Variants in PXN observed in about 807,000 individuals in gnomAD.
PXN encodes the protein testicular tissue protein Li 134.
Under a neutral mutation model 103.6 loss-of-function variants are expected in PXN, and 61 were observed. The ratio of observed to expected loss-of-function variants is 0.59; its 90% CI spans 0.48 to 0.73. The LOEUF is 0.73. PXN is among the 30% of genes least tolerant of loss of function. The pLI, the probability that PXN is intolerant of heterozygous loss-of-function variation, is 0.00. For missense variants in PXN, 1,274 were observed against 1,460.3 expected (o/e 0.87, Z 2.08); for synonymous variants, 562 against 607.8 (o/e 0.92, Z 1.11).
In PXN at chr12:120,265,401, G is replaced by C. The variant is rs897033661; in HGVS notation, c.13+216C>G. On this transcript the variant is annotated intron_variant, in intron 1 of 14. Coordinates refer to ENST00000637617, the MANE Select transcript of PXN (RefSeq NM_001385981.1). This position sits in a 1 kb window ranked among gnomAD's most constrained non-coding sequence, Gnocchi z 5.7. The stretch of plus-strand genomic sequence containing the variant: ...AGAGGTGAAGCCGTCCCAGACGGGG[G>C]GTCGCTGCTGTGCGGTCGGTGCCGG... Among the ~76,000 whole-genome samples the C allele has an allele frequency of 1.3e-5, 2 of 152,106 alleles. No individual in the cohort carries two copies. Among genetic ancestry groups the C allele is most frequent in the Admixed American group, 1.3e-4 (2 of 15,284 alleles).
Position 120,215,852 on chromosome 12 carries a change from G to T in PXN, c.2302-191C>A. On this transcript the variant is annotated intron_variant, in intron 9 of 14. Coordinates refer to ENST00000637617, the MANE Select transcript of PXN (RefSeq NM_001385981.1). The surrounding 1 kb of genome is among the most constrained non-coding windows in gnomAD (Gnocchi z 4.9). ...AGAGAGAGGCCTAGGGAGAAAGGAA[G>T]AAGGACAGGGAGGGGAGTCGACCAA... The T allele has an allele frequency of 7.6e-7, 1 of 1,308,122 alleles. No individual in the cohort carries two copies. Among genetic ancestry groups the T allele is most frequent in the Non-Finnish European group, 1.0e-6 (1 of 995,924 alleles). 81.0% of individuals were successfully genotyped at this position (1,308,122 alleles called of 1,614,324 possible).
Position 120,214,749 on chromosome 12 carries a change from AC to A in PXN, c.2748+75del. Reference sequence around the variant, plus strand: ...GTGACCTCTCTGAGCCTCCCACGGCACCCCCTGCATCCTCAGAGGGCTGCGG... The same window carrying A: ...GTGACCTCTCTGAGCCTCCCACGGCACCCCTGCATCCTCAGAGGGCTGCGG... On this transcript the variant is annotated intron_variant, in intron 12 of 14. Transcript: ENST00000637617. This position sits in a 1 kb window ranked among gnomAD's most constrained non-coding sequence, Gnocchi z 5.0. 1 of 1,568,244 alleles carries A rather than the reference AC, an allele frequency of 6.4e-7. No homozygotes were observed. The highest frequency in any genetic ancestry group is 8.7e-7 in the Non-Finnish European group (1 of 1,149,310).
chr12:120,247,776 A>G (rs1891422622), intron 1 of PXN: 1 of 152,986 alleles, frequency 6.5e-6, no homozygotes, highest in African/African-American at 2.4e-5. Context: ...TCAAGGTTAA[A>G]GTCACCACTG....
rs761716771 is a variant in PXN, at chr12:120,213,913, C to A, written c.2908G>T (p.Ala970Ser). Residue 970 changes from alanine (A) to serine (S), a missense_variant, in exon 14 of 15, where the codon GCC becomes TCC. This residue lies in a region of PXN where 1,178 missense variants were observed against 1,309.0 expected (regional missense o/e 0.90). Coordinates refer to ENST00000637617, the MANE Select transcript of PXN (RefSeq NM_001385981.1). The surrounding 1 kb of genome is among the most constrained non-coding windows in gnomAD (Gnocchi z 4.2). ...DMFAPKCGGC[A>S]RAILENYISA... is the part of the protein sequence containing the mutation. ...ATATAGTTCTCCAGGATGGCCCGGG[C>A]GCAGCCGCCACACTTGGGTGCGAAC... 6.2e-7 allele frequency: 1 copy of A among 1,611,042 alleles called. No individual in the cohort carries two copies. Among genetic ancestry groups the A allele is most frequent in the East Asian group, 2.2e-5 (1 of 44,840 alleles).
At position 120,220,239 on chromosome 12, in the gene PXN, C is replaced by G. The variant is rs1259113661; in HGVS notation, c.832-148G>C. Reference sequence around the variant, plus strand: ...ACAGGACTGACCCTTGAAGGAGACCCAGACCCCAAAAAAGCTTCCCTGGGC... The same window carrying G: ...ACAGGACTGACCCTTGAAGGAGACCGAGACCCCAAAAAAGCTTCCCTGGGC... On this transcript the variant is annotated intron_variant, in intron 6 of 14. Transcript: ENST00000637617. The surrounding 1 kb of genome is among the most constrained non-coding windows in gnomAD (Gnocchi z 6.1). 3 of 433,870 alleles carry G rather than the reference C, an allele frequency of 6.9e-6. No individual in the cohort carries two copies. The highest frequency in any genetic ancestry group is 2.0e-5 in the African/African-American group (1 of 50,806). 26.9% of individuals were successfully genotyped at this position (433,870 alleles called of 1,614,324 possible). A position where few individuals can be genotyped will look rare whatever the true frequency, so the allele number is the denominator to read the frequency against.
chr12:120,216,862 G>C lies in PXN; in HGVS notation c.1971C>G (p.Ala657=), dbSNP rs781125267. Residue 657 remains alanine (A), a synonymous_variant, in exon 8 of 15, where the codon GCC becomes GCG. Coordinates refer to ENST00000637617, the MANE Select transcript of PXN (RefSeq NM_001385981.1). The surrounding 1 kb of genome is among the most constrained non-coding windows in gnomAD (Gnocchi z 5.1). ...CCACCTTCTCTACGAGCTGCCCCCC[G>C]GCCCGCTTCCCACGTGGCTGCACAG... ...IITVQPRGKR[A]GGQLVEKVVF... is the part of the protein sequence containing the mutation. The C allele has an allele frequency of 6.6e-7, 1 of 1,510,468 alleles. No individual in the cohort carries two copies. The allele number at this position is 1,510,468 out of a possible 1,614,324, so 93.6% of individuals were successfully genotyped here.
Position 120,221,560 on chromosome 12 carries a change from T to A in PXN, c.831+63A>T. The A allele has an allele frequency of 6.7e-7, 1 of 1,485,728 alleles. No homozygotes were observed. The highest frequency in any genetic ancestry group is 9.1e-7 in the Non-Finnish European group (1 of 1,104,950). The allele number at this position is 1,485,728 out of a possible 1,614,324, so 92.0% of individuals were successfully genotyped here. ...CAAGATCCAGCTACCCACACTGAGG[T>A]AAGGGAGGAGAAGGATGAGGGAGGG... On this transcript the variant is annotated intron_variant, in intron 6 of 14. Coordinates refer to ENST00000637617, the MANE Select transcript of PXN (RefSeq NM_001385981.1). The surrounding 1 kb of genome is among the most constrained non-coding windows in gnomAD (Gnocchi z 6.6).
rs1184527081 is a variant in PXN, at chr12:120,216,792, C to T, written c.1992+49G>A. ...TGGGGCCAGGGAAGAACCCGGACCCCAGGTGCTTGGCTCTGGCCCAGCCCC... is the reference window on the plus strand; with the variant it reads ...TGGGGCCAGGGAAGAACCCGGACCCTAGGTGCTTGGCTCTGGCCCAGCCCC... On this transcript the variant is annotated intron_variant, in intron 8 of 14. Transcript: ENST00000637617. The surrounding 1 kb of genome is among the most constrained non-coding windows in gnomAD (Gnocchi z 5.1). 1 of 1,578,596 alleles carries T rather than the reference C, an allele frequency of 6.3e-7. No homozygotes were observed. The highest frequency in any genetic ancestry group is 8.5e-7 in the Non-Finnish European group (1 of 1,173,930).
rs1211298745 is a variant in PXN at position 120,222,116 on chromosome 12, G to A, written c.696-358C>T. ...GTTGGGCACTCACCATGTGTGCCACGCACTACACACCAGAAACCATTCCAA... is the reference window on the plus strand; with the variant it reads ...GTTGGGCACTCACCATGTGTGCCACACACTACACACCAGAAACCATTCCAA... On this transcript the variant is annotated intron_variant, in intron 5 of 14. Coordinates refer to ENST00000637617, the MANE Select transcript of PXN (RefSeq NM_001385981.1). This position sits in a 1 kb window ranked among gnomAD's most constrained non-coding sequence, Gnocchi z 4.7. 6.6e-6 allele frequency among the ~76,000 whole-genome samples: 1 copy of A among 152,188 alleles called. No homozygotes were observed. Among genetic ancestry groups the A allele is most frequent in the Non-Finnish European group, 1.5e-5 (1 of 68,024 alleles).
chr12:120,235,125 C>T (rs979300725), intron 1 of PXN, among the ~76,000 whole-genome samples: 1 of 152,168 alleles, frequency 6.6e-6, no homozygotes, highest in African/African-American at 2.4e-5. Context: ...CCCATCCCTA[C>T]TGCCTGCCGG....
Position 120,222,684 on chromosome 12 carries a change from T to C in PXN, c.560A>G (p.Asn187Ser), listed in dbSNP as rs1405957960. 1 of 1,609,564 alleles carries C rather than the reference T, an allele frequency of 6.2e-7. No homozygotes were observed. The highest frequency in any genetic ancestry group is 1.1e-5 in the South Asian group (1 of 90,014). The change falls in exon 5 of 15, where the codon AAC becomes AGC. Residue 187 changes from asparagine to serine, a missense_variant. Around this residue, in one of 2 missense-constraint regions of PXN, gnomAD observed 1,178 missense variants for 1,309.0 expected, o/e 0.90. Transcript: ENST00000637617. The surrounding 1 kb of genome is among the most constrained non-coding windows in gnomAD (Gnocchi z 4.7). ...CCCAGCTTTGCCTCCCAAGGGGCTG[T>C]TAGTCTCTGGGACACCATAGAGGGG... Reference protein sequence around the residue: ...LSPLYGVPETNSPLGGKAGPL... With the variant: ...LSPLYGVPETSSPLGGKAGPL...
At position 120,212,352 on chromosome 12, in the gene PXN, G is replaced by C. The variant is rs546807052; in HGVS notation, c.3208C>G (p.Pro1070Ala). The C allele has an allele frequency of 5.6e-6, 9 of 1,613,972 alleles. No homozygotes were observed. The highest frequency in any genetic ancestry group is 5.3e-5 in the African/African-American group (4 of 75,054). ...TTGAGGAAGCAGTTCTGACAGTAAG[G>C]CTTGTCGTTCTGCTCCTTGAAGGTG... ...KGTFKEQNDK[P>A]YCQNCFLKLF... The change falls in exon 15 of 15, where the codon CCT (proline) becomes GCT (alanine). Residue 1070 changes from proline (P) to alanine (A), a missense_variant. Pro to Ala is a conservative substitution (Grantham distance 27). Coordinates refer to ENST00000637617, the MANE Select transcript of PXN (RefSeq NM_001385981.1). This position sits in a 1 kb window ranked among gnomAD's most constrained non-coding sequence, Gnocchi z 7.2.
rs781527909 is a variant in PXN at position 120,219,959 on chromosome 12, G to A, written c.964C>T (p.Arg322Ter). ...FLPPTTIPSP[R>*]GQGHTPEFPC... is the part of the protein sequence containing the mutation. ...AACTCCGGAGTGTGGCCCTGGCCTC[G>A]AGGGGAGGGTATAGTGGTGGGTGGC... The change falls in exon 7 of 15, where the codon CGA (arginine) becomes TGA (stop). Residue 322 changes from arginine to a stop codon, truncating the protein, a stop_gained. Coordinates refer to ENST00000637617, the MANE Select transcript of PXN (RefSeq NM_001385981.1). LOFTEE classifies it high-confidence loss of function. The surrounding 1 kb of genome is among the most constrained non-coding windows in gnomAD (Gnocchi z 6.5). 3.1e-5 allele frequency: 49 copies of A among 1,596,284 alleles called. No individual in the cohort carries two copies. In the African/African-American group the frequency reaches 3.3e-4, roughly 11 times the overall value.
chr12:120,224,534 C>CCCGACCAGCCTAACCAAGAG lies in PXN; in HGVS notation c.14-177_14-158dup. The CCCGACCAGCCTAACCAAGAG allele has an allele frequency of 4.1e-6, 3 of 735,604 alleles. No individual in the cohort carries two copies. In the South Asian group the frequency reaches 4.3e-5, roughly 11 times the overall value. The allele number at this position is 735,604 out of a possible 1,614,324, so 45.6% of individuals were successfully genotyped here. Reference sequence around the variant, plus strand: ...AGCCTTGGGACAGGAAGCCACCAGCCCCGACCAGCCTAACCAAGAGCCGGC... The same window carrying CCCGACCAGCCTAACCAAGAG: ...AGCCTTGGGACAGGAAGCCACCAGCCCCGACCAGCCTAACCAAGAGCCGACCAGCCTAACCAAGAGCCGGC... On this transcript the variant is annotated intron_variant, in intron 1 of 14. Coordinates refer to ENST00000637617, the MANE Select transcript of PXN (RefSeq NM_001385981.1). This position sits in a 1 kb window ranked among gnomAD's most constrained non-coding sequence, Gnocchi z 5.0.
At chr12:120,218,082 G>A (rs1284281993) in intron 7 of PXN, among the ~76,000 whole-genome samples, 2 of 121,492 alleles carry the variant, frequency 1.6e-5, no homozygotes, top group Non-Finnish European at 3.2e-5. Flanking sequence ...GTCTTGATCT[G>A]TTGCTCAGGC....
rs763874066 is a variant in PXN, at chr12:120,224,670, G to A, written c.14-293C>T. On this transcript the variant is annotated intron_variant, in intron 1 of 14. Coordinates refer to ENST00000637617, the MANE Select transcript of PXN (RefSeq NM_001385981.1). The surrounding 1 kb of genome is among the most constrained non-coding windows in gnomAD (Gnocchi z 5.0). ...CTGGGAGTCAGGCACCTGGCACTGC[G>A]TTCCCTCCTGACAGGGCCGCGCAGC... 1.4e-5 allele frequency: 9 copies of A among 640,514 alleles called. No individual in the cohort carries two copies. Among genetic ancestry groups the A allele is most frequent in the Admixed American group, 4.2e-5 (2 of 47,972 alleles). 39.7% of individuals were successfully genotyped at this position (640,514 alleles called of 1,614,324 possible).
At position 120,223,791 on chromosome 12, in the gene PXN, A is replaced by T. The variant is rs774010199; in HGVS notation, c.283T>A (p.Ser95Thr). 4.0e-5 allele frequency: 64 copies of T among 1,610,446 alleles called. No individual in the cohort carries two copies. The highest frequency in any genetic ancestry group is 5.3e-5 in the Non-Finnish European group (62 of 1,178,518). ...CTGTCCTGAGGGTTGGAGACACTGG[A>T]AGTTTTGGCACTGGAGCCGTACACA... is the stretch of plus-strand genomic sequence containing the variant. ...SPVYGSSAKT[S>T]SVSNPQDSVG... The change falls in exon 3 of 15, where the codon TCC becomes ACC. Residue 95 changes from serine (S) to threonine (T), a missense_variant. Physicochemically the swap from Ser to Thr is moderately conservative, Grantham distance 58. This residue lies in a region of PXN where 1,178 missense variants were observed against 1,309.0 expected (regional missense o/e 0.90). Coordinates refer to ENST00000637617, the MANE Select transcript of PXN (RefSeq NM_001385981.1).
At position 120,216,517 on chromosome 12, in the gene PXN, G is replaced by A. The variant is rs1375987573; in HGVS notation, c.2057C>T (p.Ser686Phe). Residue 686 changes from serine to phenylalanine, a missense_variant, in exon 9 of 15, where the codon TCT (serine) becomes TTT (phenylalanine). By Grantham distance (155) the Ser-to-Phe change is radical (BLOSUM62 -2). Around this residue, in one of 2 missense-constraint regions of PXN, gnomAD observed 1,178 missense variants for 1,309.0 expected, o/e 0.90. Coordinates refer to ENST00000637617, the MANE Select transcript of PXN (RefSeq NM_001385981.1). The surrounding 1 kb of genome is among the most constrained non-coding windows in gnomAD (Gnocchi z 5.1). ...TGTGCGATGCTGGAGCAAAGGGACA[G>A]AAGGAGAAGCCAGGACAGAGATGGT... ...RRTISVLASP[S>F]VPLLQHRTDA... is the part of the protein sequence containing the mutation. 1.4e-6 allele frequency: 2 copies of A among 1,398,852 alleles called. No individual in the cohort carries two copies. The highest frequency in any genetic ancestry group is 1.8e-6 in the Non-Finnish European group (2 of 1,085,264). 86.7% of individuals were successfully genotyped at this position (1,398,852 alleles called of 1,614,324 possible).
Position 120,217,146 on chromosome 12 carries a change from C to G in PXN, c.1717-30G>C, listed in dbSNP as rs183915605. ...GGGGAGGGGGAGGGGAGGCTGTCAC[C>G]GTCCCACTCCCAGCTTGCACAACGC... is the stretch of plus-strand genomic sequence containing the variant. On this transcript the variant is annotated intron_variant, in intron 7 of 14. Coordinates refer to ENST00000637617, the MANE Select transcript of PXN (RefSeq NM_001385981.1). This position sits in a 1 kb window ranked among gnomAD's most constrained non-coding sequence, Gnocchi z 4.1. The G allele has an allele frequency of 8.2e-4, 1,249 of 1,523,502 alleles. 3 individuals carry two copies. The highest frequency in any genetic ancestry group is 1.4e-3 in the Admixed American group (77 of 54,098). The allele number at this position is 1,523,502 out of a possible 1,614,324, so 94.4% of individuals were successfully genotyped here.
Sources: gnomAD v4.1 joint callset for allele counts (sites outside exome capture counted in the v4.1 genomes callset) on GRCh38, gnomAD v4.1.1 for gene constraint, gnomAD v4.1.1 regional missense constraint, Gnocchi (gnomAD v3.1) non-coding constraint, MANE v1.5 for transcripts, NCBI Gene and HGNC (gene_info 2026-07-23, HGNC 2026-07-21) for gene names.